The following ARHGEF11 variants were observed in gnomAD, a reference collection of about 807,000 sequenced individuals.
ARHGEF11 encodes the protein Rho guanine exchange factor (GEF) 11.
Under a neutral mutation model 193.7 loss-of-function variants are expected in ARHGEF11, and 55 were observed. The observed-to-expected ratio is 0.28, with a 90% CI of 0.23 to 0.36. The LOEUF (loss-of-function observed/expected upper bound fraction) is 0.36. Among genes scored for constraint, ARHGEF11 ranks in the 10% least tolerant of loss-of-function variants. ARHGEF11 has a pLI of 1.00. For synonymous variants in ARHGEF11, 693 were observed against 768.0 expected (o/e 0.90, Z 1.62); for missense variants, 1,723 against 2,005.6 (o/e 0.86, Z 2.69).
In ARHGEF11 at chr1:157,036,107, A is replaced by C. The variant is rs562778659; in HGVS notation, c.32+8192T>G. The stretch of plus-strand genomic sequence containing the variant: ...TATATATGAAAATACATATATGAAT[A>C]TATATGAATATATATATGAAAATAT... On this transcript the variant is annotated intron_variant, in intron 1 of 40. Transcript: ENST00000368194. 5.3e-4 allele frequency among the ~76,000 whole-genome samples: 76 copies of C among 144,234 alleles called. No individual in the cohort carries two copies. The East Asian group carries it at 8.1e-3, about 15-fold the overall frequency. 94.6% of individuals were successfully genotyped at this position (144,234 alleles called of 152,430 possible).
intron 1 of ARHGEF11, among the ~76,000 whole-genome samples, chr1:157,010,801 A>G (rs1668451958): frequency 6.6e-6 from 1 of 152,216 alleles, no homozygotes; most frequent in African/African-American, 2.4e-5. Flanking sequence ...AGAATAAAAT[A>G]TCTAGGAATA....
In ARHGEF11 at chr1:156,940,305, T is replaced by C; in HGVS notation, c.3635A>G (p.Asp1212Gly). ...TGTCCTGATGCCCCTGTTCTCTCCATCCAGGGATGTGGAAGGGCAAGGCAG... is the reference window on the plus strand; with the variant it reads ...TGTCCTGATGCCCCTGTTCTCTCCACCCAGGGATGTGGAAGGGCAAGGCAG... ...GVLPCPSTSL[D>G]GENRGIRTRN... is the part of the protein sequence containing the mutation. The change falls in exon 36 of 41, where the codon GAT becomes GGT. Residue 1212 changes from aspartate to glycine, a missense_variant. Physicochemically the swap from Asp to Gly is moderately conservative, Grantham distance 94. Around this residue, in one of 5 missense-constraint regions of ARHGEF11, gnomAD observed 203 missense variants for 237.3 expected, o/e 0.86. Coordinates refer to ENST00000368194, the MANE Select transcript of ARHGEF11 (RefSeq NM_198236.3). 1 of 1,613,854 alleles carries C rather than the reference T, an allele frequency of 6.2e-7. No individual in the cohort carries two copies. The highest frequency in any genetic ancestry group is 2.2e-5 in the East Asian group (1 of 44,880).
intron 1 of ARHGEF11, among the ~76,000 whole-genome samples, chr1:156,998,059 C>G (rs904162494): frequency 2.0e-5 from 3 of 152,144 alleles, no homozygotes; most frequent in South Asian, 4.1e-4. Context: ...CTTCTGTCTC[C>G]CACAGCACCT....
intron 14 of ARHGEF11, among the ~76,000 whole-genome samples, chr1:156,960,855 C>G (rs1660727159): frequency 1.3e-5 from 2 of 152,164 alleles, no homozygotes; most frequent in African/African-American, 4.8e-5. Context: ...GGAAAGCTAG[C>G]CTTGTGTCAC....
At position 156,969,405 on chromosome 1, in the gene ARHGEF11, G is replaced by C. The variant is rs993715651; in HGVS notation, c.749-47C>G. ...TAACACAGAAGGAGCTGTGGCCTAGGGGAAAGAGAGCCTTTATTCTGGGCA... is the reference window on the plus strand; with the variant it reads ...TAACACAGAAGGAGCTGTGGCCTAGCGGAAAGAGAGCCTTTATTCTGGGCA... On this transcript the variant is annotated intron_variant, in intron 9 of 40. Transcript: ENST00000368194. 3.3e-6 allele frequency: 5 copies of C among 1,538,178 alleles called. No individual in the cohort carries two copies. The Admixed American group carries it at 5.6e-5, about 17-fold the overall frequency.
At position 156,935,893 on chromosome 1, in the gene ARHGEF11, C is replaced by A; in HGVS notation, c.*107G>T. On this transcript the variant is annotated 3_prime_UTR_variant, in exon 41 of 41. Transcript: ENST00000368194. Reference sequence around the variant, plus strand: ...GGCTGGATCCTAGTTTCCCTAACTGCCTCCTCCACAGGGAGGAGTGTTGGG... The same window carrying A: ...GGCTGGATCCTAGTTTCCCTAACTGACTCCTCCACAGGGAGGAGTGTTGGG... 2 of 1,275,994 alleles carry A rather than the reference C, an allele frequency of 1.6e-6. No homozygotes were observed. The highest frequency in any genetic ancestry group is 2.2e-6 in the Non-Finnish European group (2 of 924,320). The allele number at this position is 1,275,994 out of a possible 1,614,324, so 79.0% of individuals were successfully genotyped here.
chr1:157,032,471 A>T (rs1467698709), intron 1 of ARHGEF11, among the ~76,000 whole-genome samples: 1 of 152,216 alleles, frequency 6.6e-6, no homozygotes, highest in Non-Finnish European at 1.5e-5. Context: ...CAGCTCAAAC[A>T]CACTGAGTCA....
upstream of ARHGEF11, among the ~76,000 whole-genome samples, chr1:157,046,485 G>C (rs1277509432): frequency 1.3e-5 from 2 of 152,054 alleles, no homozygotes; most frequent in Non-Finnish European, 2.9e-5. Context: ...TCAAACATTT[G>C]TTGCGGCCTC....
At chr1:157,035,594 G>A (rs1348218578) in intron 1 of ARHGEF11, among the ~76,000 whole-genome samples, 7 of 151,330 alleles carry the variant, frequency 4.6e-5, no homozygotes, top group East Asian at 1.9e-4. Flanking sequence ...TAGTAGAGAC[G>A]GGGTTTCTCC....
intron 1 of ARHGEF11, among the ~76,000 whole-genome samples, chr1:157,019,101 A>G (rs530605168): frequency 2.6e-5 from 4 of 152,358 alleles, no homozygotes; most frequent in South Asian, 2.1e-4. Flanking sequence ...AAATACAAAG[A>G]GTACAAACTA....
intron 1 of ARHGEF11, among the ~76,000 whole-genome samples, chr1:156,988,768 T>C (rs571635748): frequency 2.0e-5 from 3 of 152,296 alleles, no homozygotes; most frequent in South Asian, 4.1e-4. Context: ...GACAAGGAGA[T>C]GGCAACGTAA....
chr1:156,942,763 T>C lies in ARHGEF11; in HGVS notation c.3253A>G (p.Ile1085Val). The C allele has an allele frequency of 2.5e-6, 4 of 1,614,092 alleles. No homozygotes were observed. Among genetic ancestry groups the C allele is most frequent in the Non-Finnish European group, 3.4e-6 (4 of 1,179,954 alleles). ...GGGCCCAGCTTGGAGGTGCAGATGA[T>C]GAAGAAGGCCCGTTTATCTGTGTGA... ...SVATDKRAFF[I>V]ICTSKLGPPQ... Residue 1085 changes from isoleucine to valine, a missense_variant, in exon 33 of 41, where the codon ATC becomes GTC. Transcript: ENST00000368194.
chr1:156,967,887 G>T, intron 11 of ARHGEF11, 100 bp downstream of exon 11: 1 of 1,562,342 alleles, frequency 6.4e-7, no homozygotes, highest in Non-Finnish European at 8.8e-7. Context: ...TGAAGCAGGG[G>T]TTTAGTCTGA....
At chr1:156,950,827 TAA>T (rs2101987562) in intron 22 of ARHGEF11, among the ~76,000 whole-genome samples, 1 of 152,292 alleles carries the variant, frequency 6.6e-6, no homozygotes, top group South Asian at 2.1e-4. Flanking sequence ...TCTACCTGTT[TAA>T]GTCACCTTTA....
At chr1:157,026,480 G>C (rs1384576350) in intron 1 of ARHGEF11, among the ~76,000 whole-genome samples, 2 of 152,186 alleles carry the variant, frequency 1.3e-5, no homozygotes, top group Non-Finnish European at 2.9e-5. Flanking sequence ...CTGAGTCCCA[G>C]ATCACCCAGA....
intron 2 of ARHGEF11, among the ~76,000 whole-genome samples, chr1:156,985,268 G>A (rs1179055818): frequency 1.3e-5 from 2 of 152,088 alleles, no homozygotes; most frequent in Non-Finnish European, 2.9e-5. Flanking sequence ...GCAAAATAAA[G>A]ATAATAAAAC....
At chr1:156,992,615 G>GTA (rs5778016) in intron 1 of ARHGEF11, among the ~76,000 whole-genome samples, 18 of 131,714 alleles carry the variant, frequency 1.4e-4, no homozygotes, top group East Asian at 9.0e-4. Context: ...GTGTGTGTGT[G>GTA]TATATATATA....
chr1:156,997,953 G>A (rs1666756397), intron 1 of ARHGEF11, among the ~76,000 whole-genome samples: 1 of 151,962 alleles, frequency 6.6e-6, no homozygotes, highest in African/African-American at 2.4e-5. Context: ...GGCCACAGCT[G>A]CACCACACTT....
chr1:156,949,146 C>T (rs1658688197), intron 22 of ARHGEF11: 2 of 981,144 alleles, frequency 2.0e-6, no homozygotes, highest in Non-Finnish European at 2.4e-6. Context: ...ATTCCATTTC[C>T]TCTCAAGAGC....
Sources: allele counts gnomAD v4.1 joint callset (sites outside exome capture counted in the v4.1 genomes callset), GRCh38; gene constraint gnomAD v4.1.1; regional missense constraint gnomAD v4.1.1; transcripts MANE v1.5; gene names NCBI Gene and HGNC (gene_info 2026-07-23, HGNC 2026-07-21).